Variants in AP3S2 observed in about 807,000 individuals in gnomAD.
AP3S2 encodes AP-3 complex subunit sigma-2.
A neutral mutation model predicts 23.4 loss-of-function variants in AP3S2; 22 were observed. That is an observed-to-expected ratio of 0.94 (90% confidence interval 0.67 to 1.34). The LOEUF (loss-of-function observed/expected upper bound fraction) is 1.34. Among genes scored for constraint, AP3S2 ranks in the 40% most tolerant of loss-of-function variants. The pLI, the probability that AP3S2 is intolerant of heterozygous loss-of-function variation, is 0.00. For missense variants in AP3S2, 241 were observed against 236.9 expected, an observed-to-expected ratio of 1.02 and a Z score of -0.11; for synonymous variants, 86 against 87.1, an observed-to-expected ratio of 0.99 and a Z score of 0.07.
At chr15:89,889,808 G>A (rs1450442050) in intron 1 of AP3S2, among the ~76,000 whole-genome samples, 3 of 136,940 alleles carry the variant, frequency 2.2e-5, no homozygotes, top group African/African-American at 8.2e-5. Flanking sequence ...AGGTTACAGT[G>A]AGCCGAGATC....
At chr15:89,847,375 CAAAAAAAAAAAA>C (rs11314336) in intron 4 of AP3S2, among the ~76,000 whole-genome samples, 15 of 62,598 alleles carry the variant, frequency 2.4e-4, no homozygotes, top group African/African-American at 3.2e-4. Context: ...GACCCTGTTA[CAAAAAAAAAAAA>C]AAAAAAAAAA....
At chr15:89,893,671 G>A (rs867071591) in intron 1 of AP3S2, 44 of 552,592 alleles carry the variant, frequency 8.0e-5, no homozygotes, top group Non-Finnish European at 1.3e-4. Context: ...ATCAAGAAAA[G>A]GGTCAGCGAG....
intron 1 of AP3S2, among the ~76,000 whole-genome samples, chr15:89,891,584 G>A (rs569239805): frequency 2.2e-4 from 34 of 151,826 alleles, no homozygotes; most frequent in South Asian, 4.2e-4. Context: ...ACTTGAACCC[G>A]GGAGGCAGAG....
intron 3 of AP3S2, among the ~76,000 whole-genome samples, chr15:89,886,953 C>T (rs1380166546): frequency 6.6e-6 from 1 of 152,146 alleles, no homozygotes; most frequent in African/African-American, 2.4e-5. Context: ...TGCCACCAGG[C>T]CCAGCTAATT....
At chr15:89,890,799 C>G (rs1202086699) in intron 1 of AP3S2, among the ~76,000 whole-genome samples, 1 of 152,068 alleles carries the variant, frequency 6.6e-6, no homozygotes, top group South Asian at 2.1e-4. Context: ...TTAAAAGAAA[C>G]AGAGAGGGGA....
At chr15:89,854,023 G>T (rs1229759915) in intron 4 of AP3S2, among the ~76,000 whole-genome samples, 1 of 55,154 alleles carries the variant, frequency 1.8e-5, no homozygotes, top group Non-Finnish European at 3.8e-5. Context: ...GACGTGGGGG[G>T]GGGGTCAGCC....
intron 4 of AP3S2, among the ~76,000 whole-genome samples, chr15:89,858,099 G>A (rs548096904): frequency 1.3e-5 from 2 of 152,158 alleles, no homozygotes; most frequent in African/African-American, 4.8e-5. Flanking sequence ...TACCTTGATT[G>A]ATACAAAAAT....
At chr15:89,859,089 C>T (rs1483414570) in intron 4 of AP3S2, among the ~76,000 whole-genome samples, 1 of 151,680 alleles carries the variant, frequency 6.6e-6, no homozygotes, top group Non-Finnish European at 1.5e-5. Flanking sequence ...AACTCCTGGG[C>T]TCAAGTGATC....
At chr15:89,836,585 AC>A (rs746148642) in intron 5 of AP3S2, among the ~76,000 whole-genome samples, 1 of 152,046 alleles carries the variant, frequency 6.6e-6, no homozygotes, top group Non-Finnish European at 1.5e-5. Context: ...TCTACAGTGA[AC>A]CCCCACCTGG....
chr15:89,871,604 T>A, intron 3 of AP3S2, 58 bp from the exon 4 acceptor site: 1 of 1,565,162 alleles, frequency 6.4e-7, no homozygotes, highest in Non-Finnish European at 8.7e-7. Context: ...CACAGCTTTA[T>A]CAATGTCACA....
intron 4 of AP3S2, chr15:89,865,471 A>C (rs1416612698): frequency 2.6e-5 from 4 of 152,250 alleles, no homozygotes; most frequent in Non-Finnish European, 4.4e-5. Flanking sequence ...TTTGGTGAGC[A>C]TACAGAGCAC....
At chr15:89,841,853 TACA>T (rs1436655369) in intron 4 of AP3S2, among the ~76,000 whole-genome samples, 1 of 151,870 alleles carries the variant, frequency 6.6e-6, no homozygotes, top group African/African-American at 2.4e-5. Flanking sequence ...TATATAAATA[TACA>T]ACGAGAAAAA....
At chr15:89,867,786 G>A (rs1385967949) in intron 4 of AP3S2, among the ~76,000 whole-genome samples, 37 of 135,046 alleles carry the variant, frequency 2.7e-4, no homozygotes, top group African/African-American at 7.8e-4. Context: ...CAACCACCCC[G>A]TATGAGAAGT....
At chr15:89,838,192 G>T in intron 4 of AP3S2, 1 of 161,868 alleles carries the variant, frequency 6.2e-6, no homozygotes, top group Non-Finnish European at 1.4e-5. Context: ...TCATTAAGTA[G>T]GTCCAGCTAT....
In AP3S2 at chr15:89,867,353, A is replaced by G. The variant is rs28425552; in HGVS notation, c.345+4122T>C. Among the ~76,000 whole-genome samples, 24 of 150,986 alleles carry G rather than the reference A, an allele frequency of 1.6e-4. No individual in the cohort carries two copies. In the East Asian group the frequency reaches 4.1e-3, roughly 26 times the overall value. On this transcript the variant is annotated intron_variant, in intron 4 of 5. Coordinates refer to ENST00000336418, the MANE Select transcript of AP3S2 (RefSeq NM_005829.5). ...GGCTGGAGTGCAGTGGCGTGATCTC[A>G]GCTCACTACAACCTACACCTCCCAG...
chr15:89,877,847 C>T (rs1388239391), intron 3 of AP3S2, among the ~76,000 whole-genome samples: 1 of 152,038 alleles, frequency 6.6e-6, no homozygotes, highest in Non-Finnish European at 1.5e-5. Context: ...AAATGCTATT[C>T]CCATTTGCAT....
chr15:89,863,850 A>G (rs983943852), intron 4 of AP3S2, among the ~76,000 whole-genome samples: 4 of 152,236 alleles, frequency 2.6e-5, no homozygotes, highest in African/African-American at 7.2e-5. Flanking sequence ...TTGTCTTAGG[A>G]CAAGGCTTTT....
chr15:89,877,303 T>C (rs775005209), intron 3 of AP3S2: 2 of 1,329,498 alleles, frequency 1.5e-6, no homozygotes, highest in Non-Finnish European at 2.0e-6. Context: ...AAAAAGATCA[T>C]ACTTTTAAGG....
intron 4 of AP3S2, among the ~76,000 whole-genome samples, chr15:89,850,065 T>C (rs113228894): frequency 6.6e-6 from 1 of 152,204 alleles, no homozygotes; most frequent in South Asian, 2.1e-4. Context: ...AATGCTAAGA[T>C]TCCTTCAGGA....
Sources: gnomAD v4.1 joint callset for allele counts (sites outside exome capture counted in the v4.1 genomes callset) on GRCh38, gnomAD v4.1.1 for gene constraint, MANE v1.5 for transcripts, NCBI Gene and HGNC (gene_info 2026-07-23, HGNC 2026-07-21) for gene names.